Variants in SHOC1 observed in about 807,000 individuals in gnomAD.
SHOC1 encodes the protein shortage in chiasmata 1.
SHOC1 carries 136 observed loss-of-function variants against 179.2 expected under a neutral mutation model. The observed-to-expected ratio is 0.76, with a 90% CI of 0.66 to 0.87. The LOEUF (loss-of-function observed/expected upper bound fraction) is 0.87. Among genes scored for constraint, SHOC1 ranks in the 40% least tolerant of loss-of-function variants. The probability of loss-of-function intolerance (pLI) is 0.00; values close to 1 mark genes in which losing one functional copy is unlikely to be tolerated. For synonymous variants in SHOC1, 489 were observed against 586.6 expected (o/e 0.83, Z 2.41); for missense variants, 1,538 against 1,700.8 (o/e 0.90, Z 1.68).
intron 2 of SHOC1, among the ~76,000 whole-genome samples, chr9:111,786,831 G>A (rs559256386): frequency 6.6e-6 from 1 of 152,262 alleles, no homozygotes; most frequent in African/African-American, 2.4e-5. Flanking sequence ...GACTTTCATA[G>A]CTAGAAAGAA....
At chr9:111,688,722 A>G (rs1831291308) in intron 27 of SHOC1, among the ~76,000 whole-genome samples, 2 of 152,178 alleles carry the variant, frequency 1.3e-5, no homozygotes, top group Admixed American at 1.3e-4. Context: ...AAAAATAAAA[A>G]TTAAAATACC....
chr9:111,758,869 T>C (rs1835005151), intron 5 of SHOC1, 21 bp from the exon 6 acceptor site: 2 of 1,363,458 alleles, frequency 1.5e-6, no homozygotes, highest in African/African-American at 3.0e-5. Flanking sequence ...ATAAGAAATA[T>C]AAAGGAATAA....
intron 16 of SHOC1, 76 bp from the exon 17 acceptor site, chr9:111,714,699 G>T: frequency 1.6e-6 from 2 of 1,264,896 alleles, no homozygotes; most frequent in Non-Finnish European, 2.2e-6. Flanking sequence ...AAGGCTTAAA[G>T]AAAATAAGTC....
chr9:111,775,169 A>G (rs1835782197), intron 5 of SHOC1, among the ~76,000 whole-genome samples: 2 of 151,884 alleles, frequency 1.3e-5, no homozygotes, highest in African/African-American at 4.8e-5. Context: ...TAATTTTTGT[A>G]TTTTGAGTAG....
intron 12 of SHOC1, 118 bp downstream of exon 12, chr9:111,738,162 G>T: frequency 1.2e-6 from 1 of 840,812 alleles, no homozygotes; most frequent in Non-Finnish European, 1.8e-6. Flanking sequence ...CAGAGCCAGG[G>T]CCTATATGGA....
At chr9:111,776,133 A>G (rs1835823889) in intron 4 of SHOC1, among the ~76,000 whole-genome samples, 158 bp from the exon 5 acceptor site, 1 of 152,252 alleles carries the variant, frequency 6.6e-6, no homozygotes, top group African/African-American at 2.4e-5. Flanking sequence ...TATAAAAAGT[A>G]TGTAAATTTC....
At chr9:111,758,961 T>C (rs1835009498) in intron 5 of SHOC1, 113 bp from the exon 6 acceptor site, 1 of 858,802 alleles carries the variant, frequency 1.2e-6, no homozygotes, top group South Asian at 1.9e-5. Context: ...TTCAATCACA[T>C]TTTAAACTCT....
At position 111,756,497 on chromosome 9, in the gene SHOC1, A is replaced by G. The variant is rs1195937677; in HGVS notation, c.709-19T>C. On this transcript the variant is annotated intron_variant, in intron 7 of 27. Coordinates refer to ENST00000682961, the MANE Select transcript of SHOC1 (RefSeq NM_001378211.1). The stretch of plus-strand genomic sequence containing the variant: ...TTGACGGCTGAAAAAACATAGTTTA[A>G]AAAAGTTTTTAGAGAGGCTTTCCAA... The G allele has an allele frequency of 6.3e-7, 1 of 1,578,658 alleles. No homozygotes were observed. The highest frequency in any genetic ancestry group is 2.0e-5 in the Admixed American group (1 of 49,378).
In SHOC1 at chr9:111,769,982, T is replaced by G. The variant is rs1243084856; in HGVS notation, c.442+5809A>C. 3.4e-4 allele frequency among the ~76,000 whole-genome samples: 13 copies of G among 38,682 alleles called. No homozygotes were observed. In the East Asian group the frequency reaches 6.8e-3, roughly 20 times the overall value. 25.4% of individuals were successfully genotyped at this position (38,682 alleles called of 152,430 possible). A position where few individuals can be genotyped will look rare whatever the true frequency, so the allele number is the denominator to read the frequency against. The stretch of plus-strand genomic sequence containing the variant: ...CGAAAGGTTTTATCTTCTGTTTTTT[T>G]TTTGTTTTTTTTTTTTTTTTTTTTT... On this transcript the variant is annotated intron_variant, in intron 5 of 27. Coordinates refer to ENST00000682961, the MANE Select transcript of SHOC1 (RefSeq NM_001378211.1).
At chr9:111,771,351 A>G (rs1317677934) in intron 5 of SHOC1, among the ~76,000 whole-genome samples, 1 of 152,154 alleles carries the variant, frequency 6.6e-6, no homozygotes, top group Non-Finnish European at 1.5e-5. Flanking sequence ...TTTTTATATT[A>G]CATCTCTTAA....
chr9:111,768,768 ATTGCTCT>A (rs1450389360), intron 5 of SHOC1, among the ~76,000 whole-genome samples: 1 of 152,056 alleles, frequency 6.6e-6, no homozygotes, highest in Non-Finnish European at 1.5e-5. Context: ...CTCTTGCTCA[ATTGCTCT>A]GGCCAGGACT....
chr9:111,765,599 AC>A lies in SHOC1; in HGVS notation c.443-6752del, dbSNP rs201601859. Among the ~76,000 whole-genome samples the A allele has an allele frequency of 4.3e-3, 649 of 151,876 alleles. 15 individuals are homozygous for A. Among genetic ancestry groups the A allele is most frequent in the Admixed American group, 0.034 (526 of 15,272 alleles). ...GGCAAGACTCTGACTCAAAAACAAA[AC>A]AAAACAAAACAAAAACAAAACAAGC... On this transcript the variant is annotated intron_variant, in intron 5 of 27. Transcript: ENST00000682961.
intron 5 of SHOC1, among the ~76,000 whole-genome samples, chr9:111,769,986 G>GTTTTTTTTTTTTTTTTTTTTTT (rs769266659): frequency 7.7e-5 from 6 of 77,658 alleles, no homozygotes; most frequent in Non-Finnish European, 1.4e-4. Flanking sequence ...TTTTTTTTTT[G>GTTTTTTTTTTTTTTTTTTTTTT]TTTTTTTTTT....
In SHOC1 at chr9:111,713,123, A is replaced by G; in HGVS notation, c.2465T>C (p.Ile822Thr). The change falls in exon 18 of 28, where the codon ATT becomes ACT. Residue 822 changes from isoleucine to threonine, a missense_variant. By Grantham distance (89) the Ile-to-Thr change is moderately conservative. Transcript: ENST00000682961. Reference protein sequence around the residue: ...MDSDGEKHFLIKILNKIEGLT... With the variant: ...MDSDGEKHFLTKILNKIEGLT... The stretch of plus-strand genomic sequence containing the variant: ...ACCTTCTATTTTGTTAAGAATTTTA[A>G]TGAGAAAATGTTTTTCACCGTCTGA... 6.4e-7 allele frequency: 1 copy of G among 1,573,162 alleles called. No individual in the cohort carries two copies. The highest frequency in any genetic ancestry group is 8.7e-7 in the Non-Finnish European group (1 of 1,146,966).
intron 2 of SHOC1, among the ~76,000 whole-genome samples, chr9:111,787,037 A>G (rs1836283721): frequency 6.6e-6 from 1 of 152,242 alleles, no homozygotes; most frequent in Non-Finnish European, 1.5e-5. Context: ...ACATGTATTT[A>G]CAACATGGTT....
intron 12 of SHOC1, among the ~76,000 whole-genome samples, chr9:111,730,212 T>G (rs7024587): frequency 0.18 from 27,821 of 152,156 alleles, 2,755 homozygotes; most frequent in Non-Finnish European, 0.22. Context: ...AAATCATCCA[T>G]GAAGGTTCAA....
At chr9:111,728,354 T>C (rs1833404432) in intron 12 of SHOC1, among the ~76,000 whole-genome samples, 1 of 152,052 alleles carries the variant, frequency 6.6e-6, no homozygotes, top group Non-Finnish European at 1.5e-5. Context: ...ACTCCATGGG[T>C]CAAACACTTA....
chr9:111,700,151 T>A (rs894444694), intron 23 of SHOC1, 104 bp from the exon 24 acceptor site: 20 of 674,606 alleles, frequency 3.0e-5, no homozygotes, highest in Non-Finnish European at 4.4e-5. Context: ...TAGAATAACC[T>A]AGCTAAGACA....
At chr9:111,702,358 A>G in intron 22 of SHOC1, 132 bp from the exon 23 acceptor site, 1 of 602,144 alleles carries the variant, frequency 1.7e-6, no homozygotes, top group South Asian at 2.1e-5. Context: ...CCCCCATTTC[A>G]TGGAAAAATT....
Sources: gnomAD v4.1 joint callset for allele counts (sites outside exome capture counted in the v4.1 genomes callset) on GRCh38, gnomAD v4.1.1 for gene constraint, MANE v1.5 for transcripts, NCBI Gene and HGNC (gene_info 2026-07-23, HGNC 2026-07-21) for gene names.